SREK1: variants seen among roughly 807,000 people sequenced by gnomAD.
SREK1 encodes splicing regulatory glutamic acid and lysine rich protein 1.
In SREK1, 13 loss-of-function variants were observed where a neutral mutation model predicts 66.5. The observed-to-expected ratio is 0.20, with a 90% CI of 0.13 to 0.31. The LOEUF is 0.31. SREK1 is among the 10% of genes least tolerant of loss of function. SREK1 has a pLI of 1.00. For synonymous variants in SREK1, 265 were observed against 263.5 expected (o/e 1.01, Z -0.05); for missense variants, 607 against 769.6 (o/e 0.79, Z 2.50).
At chr5:66,161,468 T>C (rs938041789) in intron 3 of SREK1, among the ~76,000 whole-genome samples, 11 of 152,082 alleles carry the variant, frequency 7.2e-5, no homozygotes, top group African/African-American at 2.7e-4. Context: ...TTCTTTGAAT[T>C]GTTGTGCTTT....
intron 2 of SREK1, among the ~76,000 whole-genome samples, chr5:66,155,902 C>CT (rs1272043994): frequency 6.6e-6 from 1 of 152,150 alleles, no homozygotes; most frequent in African/African-American, 2.4e-5. Flanking sequence ...TTTCAGATTT[C>CT]TTTTTATAAA....
intron 10 of SREK1, among the ~76,000 whole-genome samples, chr5:66,176,564 G>A (rs752614319): frequency 6.6e-5 from 10 of 152,190 alleles, no homozygotes; most frequent in East Asian, 1.9e-4. Context: ...ATGACAAGTC[G>A]TCTGTCCAGG....
chr5:66,173,499 T>G (rs184639719), intron 9 of SREK1, among the ~76,000 whole-genome samples: 1 of 152,346 alleles, frequency 6.6e-6, no homozygotes, highest in Non-Finnish European at 1.5e-5. Flanking sequence ...TTAAGTAATA[T>G]GATCCTGGTT....
intron 9 of SREK1, among the ~76,000 whole-genome samples, chr5:66,172,179 TTACTGC>T (rs1319243530): frequency 6.6e-6 from 1 of 152,242 alleles, no homozygotes; most frequent in Non-Finnish European, 1.5e-5. Context: ...AACCACACCT[TTACTGC>T]AAAGTGATTT....
Position 66,173,980 on chromosome 5 carries a change from C to T in SREK1, c.1485-966C>T, listed in dbSNP as rs144280854. Reference sequence around the variant, plus strand: ...GTATTTTAATACATATTATATATACCGTGTGAGCATTTTTTATTTTAGAAA... The same window carrying T: ...GTATTTTAATACATATTATATATACTGTGTGAGCATTTTTTATTTTAGAAA... On this transcript the variant is annotated intron_variant, in intron 9 of 11. Coordinates refer to ENST00000334121, the MANE Select transcript of SREK1 (RefSeq NM_001077199.3). 5.2e-3 allele frequency among the ~76,000 whole-genome samples: 793 copies of T among 151,988 alleles called. 7 individuals carry two copies. Among genetic ancestry groups the T allele is most frequent in the African/African-American group, 0.017 (694 of 41,422 alleles).
In SREK1 at chr5:66,144,563, AG is replaced by A. The variant is rs1238042821; in HGVS notation, c.161+30del. On this transcript the variant is annotated intron_variant, in intron 1 of 11. Transcript: ENST00000334121. ...GTAAGTGCTGGAGCTCGGCTGGGGGAGGGGCGCGGGCGCCATAGAGACCTCG... is the reference window on the plus strand; with the variant it reads ...GTAAGTGCTGGAGCTCGGCTGGGGGAGGGCGCGGGCGCCATAGAGACCTCG... 5 of 1,525,080 alleles carry A rather than the reference AG, an allele frequency of 3.3e-6. No homozygotes were observed. The African/African-American group carries it at 4.2e-5, about 13-fold the overall frequency. The allele number at this position is 1,525,080 out of a possible 1,614,324, so 94.5% of individuals were successfully genotyped here.
chr5:66,170,105 G>A lies in SREK1; in HGVS notation c.1056G>A (p.Lys352=), dbSNP rs201702448. 25 of 1,613,132 alleles carry A rather than the reference G, an allele frequency of 1.5e-5. No homozygotes were observed. Among genetic ancestry groups the A allele is most frequent in the Non-Finnish European group, 2.0e-5 (23 of 1,179,450 alleles). The change falls in exon 8 of 12, where the codon AAG becomes AAA. Residue 352 remains lysine (K), a synonymous_variant. Coordinates refer to ENST00000334121, the MANE Select transcript of SREK1 (RefSeq NM_001077199.3). The part of the protein sequence containing the change: ...RSRQKDRRRS[K]SPHKKRSKSR... ...GACAGAAAGACAGACGTAGATCTAA[G>A]AGCCCACATAAAAAACGCTCTAAAT...
chr5:66,153,628 A>G (rs1475075510), intron 2 of SREK1, 32 bp downstream of exon 2: 2 of 1,613,344 alleles, frequency 1.2e-6, no homozygotes, highest in African/African-American at 1.3e-5. Context: ...CTCTTATTTG[A>G]ATTTCTGTCC....
At chr5:66,159,394 T>C in intron 3 of SREK1, 60 bp downstream of exon 3, 2 of 1,337,090 alleles carry the variant, frequency 1.5e-6, no homozygotes, top group Non-Finnish European at 2.0e-6. Context: ...ACCAGTTGAA[T>C]AGAGAGCTTC....
At chr5:66,156,994 G>A in intron 2 of SREK1, 1 of 985,222 alleles carries the variant, frequency 1.0e-6, no homozygotes, top group Non-Finnish European at 1.2e-6. Context: ...ACTTTTATAA[G>A]CTCTGTTATT....
At position 66,153,456 on chromosome 5, in the gene SREK1, C is replaced by G; in HGVS notation, c.162-7C>G. 6.2e-7 allele frequency: 1 copy of G among 1,602,330 alleles called. No homozygotes were observed. Among genetic ancestry groups the G allele is most frequent in the Non-Finnish European group, 8.5e-7 (1 of 1,176,336 alleles). On this transcript the variant is annotated splice_region_variant and splice_polypyrimidine_tract_variant and intron_variant, in intron 1 of 11. Transcript: ENST00000334121. ...TTAGTTCAATTGTTTTTCTTTTTAT[C>G]TTGCAGCAACGCACCTCTTGCTTTT...
chr5:66,159,261 C>T lies in SREK1; in HGVS notation c.338C>T (p.Pro113Leu). 1 of 1,613,676 alleles carries T rather than the reference C, an allele frequency of 6.2e-7. No homozygotes were observed. The highest frequency in any genetic ancestry group is 8.5e-7 in the Non-Finnish European group (1 of 1,179,830). ...TCCAAAGCCCTCTCTTTATTGGCTC[C>T]TGCTCCAACCATGACAAGTCTGATG... ...EESKALSLLAPAPTMTSLMPG... is the reference protein window; with the variant it reads ...EESKALSLLALAPTMTSLMPG... The change falls in exon 3 of 12, where the codon CCT becomes CTT. Residue 113 changes from proline to leucine, a missense_variant. Physicochemically the swap from Pro to Leu is moderately conservative, Grantham distance 98. This residue lies in a region of SREK1 where 99 missense variants were observed against 186.6 expected (regional missense o/e 0.53). Transcript: ENST00000334121.
chr5:66,180,857 T>C lies in SREK1; in HGVS notation c.*1989T>C, dbSNP rs1247419865. ...GGAATCTGTTATTTTTAGTACCATG[T>C]CTTTAATAAAGCTAAGTATTTTAGA... On this transcript the variant is annotated 3_prime_UTR_variant, in exon 12 of 12. Coordinates refer to ENST00000334121, the MANE Select transcript of SREK1 (RefSeq NM_001077199.3). The C allele has an allele frequency of 6.6e-6, 1 of 152,588 alleles. No homozygotes were observed. Among genetic ancestry groups the C allele is most frequent in the Non-Finnish European group, 1.5e-5 (1 of 68,020 alleles). 9.5% of individuals were successfully genotyped at this position (152,588 alleles called of 1,614,324 possible).
intron 9 of SREK1, among the ~76,000 whole-genome samples, chr5:66,172,243 A>T (rs866296106): frequency 6.6e-6 from 1 of 152,284 alleles, no homozygotes; most frequent in Middle Eastern, 3.4e-3. Flanking sequence ...GATTGTTTAG[A>T]CATTACCTTT....
intron 9 of SREK1, among the ~76,000 whole-genome samples, chr5:66,171,381 G>A (rs984902063): frequency 1.3e-5 from 2 of 151,932 alleles, no homozygotes; most frequent in African/African-American, 4.8e-5. Context: ...TCCTTATTTT[G>A]TTAAGTGCAT....
intron 1 of SREK1, among the ~76,000 whole-genome samples, chr5:66,152,495 T>A (rs1743929637): frequency 6.6e-6 from 1 of 152,248 alleles, no homozygotes; most frequent in Non-Finnish European, 1.5e-5. Context: ...AGACATTAGA[T>A]GTTAACTTTG....
rs1746295863 is a variant in SREK1, at chr5:66,178,970, G to C, written c.*102G>C. On this transcript the variant is annotated 3_prime_UTR_variant, in exon 12 of 12. Transcript: ENST00000334121. ...GGAAAGAAATCTAGTTGAGCATGAA[G>C]ATAGGATCTAACAGCTTTTCCAGTT... The C allele has an allele frequency of 3.1e-6, 4 of 1,294,310 alleles. No homozygotes were observed. In the South Asian group the frequency reaches 7.3e-5, roughly 24 times the overall value. 80.2% of individuals were successfully genotyped at this position (1,294,310 alleles called of 1,614,324 possible). A position where few individuals can be genotyped will look rare whatever the true frequency, so the allele number is the denominator to read the frequency against.
Position 66,144,429 on chromosome 5 carries a change from C to T in SREK1, c.53C>T (p.Thr18Met). The change falls in exon 1 of 12, where the codon ACG becomes ATG. Residue 18 changes from threonine (T) to methionine (M), a missense_variant. Around this residue, in one of 5 missense-constraint regions of SREK1, gnomAD observed 75 missense variants for 72.9 expected, o/e 1.03. Coordinates refer to ENST00000334121, the MANE Select transcript of SREK1 (RefSeq NM_001077199.3). ...GLGLGFGLTP[T>M]SVIQVTNLSS... ...GGCTTAGGCTTCGGCCTCACCCCCACGTCGGTGATTCAGGTGACGAATCTG... is the reference window on the plus strand; with the variant it reads ...GGCTTAGGCTTCGGCCTCACCCCCATGTCGGTGATTCAGGTGACGAATCTG... The T allele has an allele frequency of 6.4e-7, 1 of 1,551,670 alleles. No homozygotes were observed. The highest frequency in any genetic ancestry group is 8.7e-7 in the Non-Finnish European group (1 of 1,146,976).
chr5:66,153,118 G>A (rs2111965606), intron 1 of SREK1, among the ~76,000 whole-genome samples: 2 of 152,292 alleles, frequency 1.3e-5, no homozygotes, highest in Admixed American at 1.3e-4. Flanking sequence ...GAGGTTTGGA[G>A]CTTTTATAAA....
Sources: allele counts gnomAD v4.1 joint callset (sites outside exome capture counted in the v4.1 genomes callset), GRCh38; gene constraint gnomAD v4.1.1; regional missense constraint gnomAD v4.1.1; transcripts MANE v1.5; gene names NCBI Gene and HGNC (gene_info 2026-07-23, HGNC 2026-07-21).